ESR1: variants seen among roughly 807,000 people sequenced by gnomAD.
The protein encoded by ESR1 is estrogen receptor 1, also known as estrogen receptor.
In ESR1, 12 loss-of-function variants were observed where a neutral mutation model predicts 52.7. The ratio of observed to expected loss-of-function variants is 0.23; its 90% CI spans 0.15 to 0.37. The LOEUF (loss-of-function observed/expected upper bound fraction) is 0.37, where lower values mean the gene tolerates loss of function less well. Ranked by LOEUF, ESR1 falls within the 10% of genes least tolerant of loss-of-function variation. The pLI is 1.00. For missense variants in ESR1, 584 were observed against 779.7 expected (o/e 0.75, Z 2.99); for synonymous variants, 305 against 316.8 (o/e 0.96, Z 0.39).
chr6:151,845,190 C>T (rs754697956), intron 2 of ESR1, among the ~76,000 whole-genome samples: 4 of 152,178 alleles, frequency 2.6e-5, no homozygotes, highest in African/African-American at 4.8e-5. Context: ...TAAAAATCAA[C>T]GAATACAGTG....
At chr6:151,984,851 C>T (rs954962359) in intron 4 of ESR1, among the ~76,000 whole-genome samples, 2 of 151,902 alleles carry the variant, frequency 1.3e-5, no homozygotes, top group Non-Finnish European at 2.9e-5. Context: ...TTTAGTTCAC[C>T]ATAGTTGGAT....
At chr6:151,810,550 A>C (rs1046167153) in intron 1 of ESR1, among the ~76,000 whole-genome samples, 5 of 152,218 alleles carry the variant, frequency 3.3e-5, no homozygotes, top group African/African-American at 7.2e-5. Context: ...AAGTTTCTTA[A>C]GTAGTTCTCA....
At chr6:151,761,150 A>G (rs1273542586) in intron 2 of ESR1, among the ~76,000 whole-genome samples, 1 of 151,760 alleles carries the variant, frequency 6.6e-6, no homozygotes, top group East Asian at 1.9e-4. Context: ...TATTCAACAC[A>G]TGGAAATGTA....
chr6:152,077,918 T>C (rs1021992395), intron 6 of ESR1, among the ~76,000 whole-genome samples: 1 of 152,192 alleles, frequency 6.6e-6, no homozygotes, highest in Non-Finnish European at 1.5e-5. Flanking sequence ...GACTTTGGAC[T>C]GTGGACTTTT....
upstream of ESR1, among the ~76,000 whole-genome samples, chr6:151,804,048 T>G (rs1481639988): frequency 4.6e-5 from 7 of 151,734 alleles, no homozygotes; most frequent in Admixed American, 2.0e-4. Context: ...GGAACGTGTG[T>G]GTCCAGCAGG....
chr6:151,903,547 A>G (rs565593414), intron 3 of ESR1, among the ~76,000 whole-genome samples: 39 of 152,288 alleles, frequency 2.6e-4, no homozygotes, highest in African/African-American at 9.1e-4. Flanking sequence ...CTAGGCTTTC[A>G]TTTTGGACTT....
chr6:152,117,825 C>T (rs934770159), intron 6 of ESR1, among the ~76,000 whole-genome samples: 1 of 152,174 alleles, frequency 6.6e-6, no homozygotes, highest in African/African-American at 2.4e-5. Flanking sequence ...TTTAAAACTT[C>T]AAGGGACAGG....
chr6:151,857,583 C>T (rs1788093524), intron 2 of ESR1, among the ~76,000 whole-genome samples: 1 of 151,940 alleles, frequency 6.6e-6, no homozygotes, highest in Non-Finnish European at 1.5e-5. Context: ...AGCTGGAGTG[C>T]AGTGGCGCAA....
intron 3 of ESR1, among the ~76,000 whole-genome samples, chr6:151,926,075 C>T (rs1024576921): frequency 1.3e-5 from 2 of 152,074 alleles, no homozygotes; most frequent in Non-Finnish European, 2.9e-5. Context: ...GTAATCAGCG[C>T]AATATTTTCT....
At chr6:151,686,654 C>T (rs192597082), upstream of ESR1, among the ~76,000 whole-genome samples, 1 of 152,154 alleles carries the variant, frequency 6.6e-6, no homozygotes, top group East Asian at 1.9e-4. Context: ...CGCCACTGCA[C>T]TCCAGCCTGG....
chr6:151,870,802 A>G (rs888199552), intron 2 of ESR1, among the ~76,000 whole-genome samples: 1 of 151,766 alleles, frequency 6.6e-6, no homozygotes, highest in East Asian at 1.9e-4. Context: ...CTTTATTCCT[A>G]TTCTTGACCC....
intron 6 of ESR1, among the ~76,000 whole-genome samples, chr6:152,073,609 T>C (rs1032757569): frequency 2.0e-5 from 3 of 152,234 alleles, no homozygotes; most frequent in African/African-American, 7.2e-5. Flanking sequence ...CCAGGAAAAT[T>C]ATTAGTTTTC....
chr6:151,824,845 C>T lies in ESR1; in HGVS notation c.452+16481C>T, dbSNP rs140376254. Among the ~76,000 whole-genome samples the T allele has an allele frequency of 5.9e-5, 9 of 151,642 alleles. No individual in the cohort carries two copies. In the East Asian group the frequency reaches 1.8e-3, roughly 30 times the overall value. On this transcript the variant is annotated intron_variant, in intron 1 of 7. Coordinates refer to ENST00000206249, the MANE Select transcript of ESR1 (RefSeq NM_000125.4). ...CTGAGGCAGGAGAACCACTTGAACCCAGGAGGTGTAGGTTGCAGTGAGCCA... is the reference window on the plus strand; with the variant it reads ...CTGAGGCAGGAGAACCACTTGAACCTAGGAGGTGTAGGTTGCAGTGAGCCA...
At chr6:151,915,760 A>G (rs2029943913) in intron 3 of ESR1, among the ~76,000 whole-genome samples, 1 of 152,170 alleles carries the variant, frequency 6.6e-6, no homozygotes, top group African/African-American at 2.4e-5. Flanking sequence ...AAGACTGGAC[A>G]GCTGATTTTG....
chr6:151,658,472 G>T (rs1323201047), intron 1 of ESR1, among the ~76,000 whole-genome samples: 1 of 152,106 alleles, frequency 6.6e-6, no homozygotes, highest in Non-Finnish European at 1.5e-5. Context: ...AAAAATAGTT[G>T]ATTCCCACTT....
intron 2 of ESR1, among the ~76,000 whole-genome samples, chr6:151,719,513 G>A (rs2128014968): frequency 6.6e-6 from 1 of 152,276 alleles, no homozygotes; most frequent in South Asian, 2.1e-4. Context: ...CGAGACTGGA[G>A]AATCACTGGA....
intron 1 of ESR1, among the ~76,000 whole-genome samples, chr6:151,663,244 A>G (rs1020966320): frequency 1.1e-4 from 16 of 152,220 alleles, no homozygotes; most frequent in African/African-American, 3.4e-4. Context: ...AAATTAGCTA[A>G]TTTATTAATT....
At chr6:151,802,265 A>G (rs1777327622), upstream of ESR1, among the ~76,000 whole-genome samples, 1 of 152,226 alleles carries the variant, frequency 6.6e-6, no homozygotes, top group Non-Finnish European at 1.5e-5. Context: ...ACTTAAAGGG[A>G]AATTCTTTGT....
intron 6 of ESR1, among the ~76,000 whole-genome samples, chr6:152,074,638 T>C (rs1455451660): frequency 6.6e-6 from 1 of 152,180 alleles, no homozygotes; most frequent in African/African-American, 2.4e-5. Flanking sequence ...GATTGTATAG[T>C]ATGTTTAGTT....
Sources: gnomAD v4.1 joint callset for allele counts (sites outside exome capture counted in the v4.1 genomes callset) on GRCh38, gnomAD v4.1.1 for gene constraint, MANE v1.5 for transcripts, NCBI Gene and HGNC (gene_info 2026-07-23, HGNC 2026-07-21) for gene names.